DDHD1: variants seen among roughly 807,000 people sequenced by gnomAD.
DDHD1 encodes the protein phospholipase DDHD1.
Under a neutral mutation model 96.4 loss-of-function variants are expected in DDHD1, and 49 were observed. That is an observed-to-expected ratio of 0.51 (90% CI 0.40 to 0.64). The LOEUF (loss-of-function observed/expected upper bound fraction) is 0.64. DDHD1 is among the 30% of genes least tolerant of loss of function. The pLI is 0.00. For synonymous variants in DDHD1, 442 were observed against 446.5 expected (o/e 0.99, Z 0.13); for missense variants, 1,106 against 1,161.2 (o/e 0.95, Z 0.69).
At chr14:53,089,624 G>T (rs972784818) in intron 4 of DDHD1, among the ~76,000 whole-genome samples, 17 of 152,210 alleles carry the variant, frequency 1.1e-4, no homozygotes, top group Middle Eastern at 3.4e-3. Context: ...GTAGAAACTG[G>T]CTAGCCATAT....
chr14:53,078,878 T>C (rs1291512205), intron 4 of DDHD1, among the ~76,000 whole-genome samples: 1 of 152,196 alleles, frequency 6.6e-6, no homozygotes, highest in Non-Finnish European at 1.5e-5. Context: ...GAAAGTTGTC[T>C]TCTGTTTCTA....
chr14:53,054,675 A>C (rs1348999298), intron 10 of DDHD1, 46 bp from the exon 11 acceptor site: 3 of 1,576,110 alleles, frequency 1.9e-6, no homozygotes, highest in African/African-American at 1.3e-5. Flanking sequence ...ATCACACCAC[A>C]CTCTAAGCTA....
At chr14:53,055,606 T>TG in intron 10 of DDHD1, 54 bp downstream of exon 10, 1 of 1,558,440 alleles carries the variant, frequency 6.4e-7, no homozygotes, top group Non-Finnish European at 8.8e-7. Context: ...CCCCCAAACT[T>TG]ATGTCTAGGA....
chr14:53,147,043 C>T (rs186267513), intron 1 of DDHD1, among the ~76,000 whole-genome samples: 85 of 151,830 alleles, frequency 5.6e-4, no homozygotes, highest in African/African-American at 2.0e-3. Context: ...TCCATAACTA[C>T]CTATTTCCCA....
rs528691205 is a variant in DDHD1, at chr14:53,151,099, A to G, written c.838+1162T>C. Among the ~76,000 whole-genome samples the G allele has an allele frequency of 2.6e-5, 4 of 152,390 alleles. No individual in the cohort carries two copies. In the South Asian group the frequency reaches 8.3e-4, roughly 32 times the overall value. ...ATTATCAGAATCACTGATGCAATTC[A>G]ATACCTAGTTATTGAATATATATTG... On this transcript the variant is annotated intron_variant, in intron 1 of 12. Transcript: ENST00000673822.
At chr14:53,117,313 C>A (rs553953661) in intron 1 of DDHD1, among the ~76,000 whole-genome samples, 3 of 152,092 alleles carry the variant, frequency 2.0e-5, no homozygotes, top group Non-Finnish European at 4.4e-5. Context: ...GTGCAGCTCA[C>A]GGAGGGCAAG....
In DDHD1 at chr14:53,042,433, T is replaced by C. The variant is rs888533189; in HGVS notation, c.*4335A>G. 1.3e-5 allele frequency: 2 copies of C among 152,224 alleles called. No homozygotes were observed. Among genetic ancestry groups the C allele is most frequent in the Middle Eastern group, 3.2e-3 (1 of 316 alleles). 9.4% of individuals were successfully genotyped at this position (152,224 alleles called of 1,614,324 possible). ...CACTGTATTTAGTTTTTCATGGAGT[T>C]TGCTGCCTTTCACTTCACTTTTCAT... On this transcript the variant is annotated 3_prime_UTR_variant, in exon 13 of 13. Coordinates refer to ENST00000673822, the MANE Select transcript of DDHD1 (RefSeq NM_001160148.2).
chr14:53,127,549 G>A (rs1889543671), intron 1 of DDHD1, among the ~76,000 whole-genome samples: 1 of 152,212 alleles, frequency 6.6e-6, no homozygotes. Flanking sequence ...TCCACATGCA[G>A]TAGTTACACA....
At chr14:53,050,062 T>C (rs978650836) in intron 12 of DDHD1, among the ~76,000 whole-genome samples, 13 of 152,168 alleles carry the variant, frequency 8.5e-5, no homozygotes, top group Admixed American at 5.9e-4. Flanking sequence ...AATTATAATA[T>C]ATGGTAGAAT....
Position 53,063,199 on chromosome 14 carries a change from T to TAACTA in DDHD1, c.1505_1509dup (p.Lys504Ter), listed in dbSNP as rs748224556. On this transcript the variant is annotated stop_gained and frameshift_variant, in exon 7 of 13. Coordinates refer to ENST00000673822, the MANE Select transcript of DDHD1 (RefSeq NM_001160148.2). LOFTEE classifies it high-confidence loss of function. The stretch of plus-strand genomic sequence containing the variant: ...CGATTCAGCTCTTGCTGAAGGCCTT[T>TAACTA]AACTAGCTGTTTGAAATAAGAAAAC... 6.2e-7 allele frequency: 1 copy of TAACTA among 1,612,502 alleles called. No homozygotes were observed. Among genetic ancestry groups the TAACTA allele is most frequent in the East Asian group, 2.2e-5 (1 of 44,868 alleles).
rs1449184577 is a variant in DDHD1, at chr14:53,041,996, C to T, written c.*4772G>A. 1 of 152,140 alleles carries T rather than the reference C, an allele frequency of 6.6e-6. No homozygotes were observed. Among genetic ancestry groups the T allele is most frequent in the East Asian group, 1.9e-4 (1 of 5,190 alleles). The allele number at this position is 152,140 out of a possible 1,614,324, so 9.4% of individuals were successfully genotyped here. A position where few individuals can be genotyped will look rare whatever the true frequency, so the allele number is the denominator to read the frequency against. The stretch of plus-strand genomic sequence containing the variant: ...TCTGGTATAAGACATGGTTGGGAAT[C>T]AGGGGACTAGGTTCTAATTCTGACT... On this transcript the variant is annotated 3_prime_UTR_variant, in exon 13 of 13. Transcript: ENST00000673822.
chr14:53,069,129 C>T (rs1408223095), intron 6 of DDHD1, among the ~76,000 whole-genome samples: 2 of 152,138 alleles, frequency 1.3e-5, no homozygotes, highest in African/African-American at 4.8e-5. Flanking sequence ...TTGTGACCTA[C>T]CCCATGATTC....
chr14:53,056,677 C>A (rs1271719280), intron 9 of DDHD1, among the ~76,000 whole-genome samples: 2 of 152,172 alleles, frequency 1.3e-5, no homozygotes, highest in Non-Finnish European at 2.9e-5. Context: ...AAGGAGGTAA[C>A]ACTTCCTCTC....
intron 4 of DDHD1, among the ~76,000 whole-genome samples, chr14:53,089,252 T>C (rs1379059169): frequency 6.6e-6 from 1 of 152,192 alleles, no homozygotes; most frequent in East Asian, 1.9e-4. Flanking sequence ...AAGTAATTTA[T>C]AGATTCAATG....
chr14:53,105,204 C>T (rs555998590), intron 1 of DDHD1, among the ~76,000 whole-genome samples: 5 of 152,034 alleles, frequency 3.3e-5, no homozygotes. Context: ...AGGCCTAGAA[C>T]TGAAGACAAA....
intron 6 of DDHD1, among the ~76,000 whole-genome samples, chr14:53,070,135 T>C (rs535933714): frequency 6.6e-6 from 1 of 152,232 alleles, no homozygotes; most frequent in Admixed American, 6.5e-5. Context: ...TGTGTATTTG[T>C]ATGGTAACAT....
intron 12 of DDHD1, among the ~76,000 whole-genome samples, chr14:53,050,315 G>C (rs1276234126): frequency 1.3e-5 from 2 of 152,152 alleles, no homozygotes; most frequent in Admixed American, 6.5e-5. Context: ...GATTAAAAGG[G>C]AGTAGTTCTG....
intron 1 of DDHD1, among the ~76,000 whole-genome samples, chr14:53,135,361 C>A (rs1890156471): frequency 6.6e-6 from 1 of 152,324 alleles, no homozygotes; most frequent in South Asian, 2.1e-4. Context: ...ATTCTCTACG[C>A]CCTTGAGAAT....
intron 1 of DDHD1, among the ~76,000 whole-genome samples, chr14:53,114,702 C>A (rs1473725903): frequency 3.3e-5 from 5 of 152,184 alleles, no homozygotes; most frequent in Non-Finnish European, 2.9e-5. Context: ...GACCACCACA[C>A]AAAAACCCCA....
Sources: allele counts gnomAD v4.1 joint callset (sites outside exome capture counted in the v4.1 genomes callset), GRCh38; gene constraint gnomAD v4.1.1; transcripts MANE v1.5; gene names NCBI Gene and HGNC (gene_info 2026-07-23, HGNC 2026-07-21).